The following DMXL2 variants were observed in gnomAD, a reference collection of about 807,000 sequenced individuals.
DMXL2 encodes the protein dmX-like protein 2.
DMXL2 carries 103 observed loss-of-function variants against 331.1 expected under a neutral mutation model. The ratio of observed to expected loss-of-function variants is 0.31; its 90% CI spans 0.27 to 0.37. DMXL2 has a LOEUF of 0.37. Among genes scored for constraint, DMXL2 ranks in the 10% least tolerant of loss-of-function variants. The probability of loss-of-function intolerance (pLI) is 1.00; values close to 1 mark genes in which losing one functional copy is unlikely to be tolerated. For missense variants in DMXL2, 3,171 were observed against 3,642.9 expected, an observed-to-expected ratio of 0.87 and a Z score of 3.33; for synonymous variants, 1,281 against 1,252.1, an observed-to-expected ratio of 1.02 and a Z score of -0.49.
chr15:51,537,805 T>C, intron 10 of DMXL2, 46 bp from the exon 11 acceptor site: 1 of 1,550,930 alleles, frequency 6.4e-7, no homozygotes, highest in Non-Finnish European at 8.7e-7. Context: ...AAATAATTCA[T>C]TTACATACTA....
intron 26 of DMXL2, among the ~76,000 whole-genome samples, chr15:51,477,875 C>T (rs920888504): frequency 6.6e-6 from 1 of 151,918 alleles, no homozygotes; most frequent in Non-Finnish European, 1.5e-5. Context: ...TAGGAATGTA[C>T]TTTTTCATTT....
chr15:51,481,203 T>G lies in DMXL2; in HGVS notation c.5903A>C (p.Lys1968Thr), dbSNP rs764460440. 2.5e-6 allele frequency: 4 copies of G among 1,613,830 alleles called. No individual in the cohort carries two copies. The highest frequency in any genetic ancestry group is 3.4e-6 in the Non-Finnish European group (4 of 1,179,908). The part of the protein sequence containing the change: ...SQYDWSQPIV[K>T]VDEEPLNLDW... ...AAGATTAAGAGGTTCCTCATCAACT[T>G]TTACTATTGGCTGACTCCAGTCATA... is the stretch of plus-strand genomic sequence containing the variant. The change falls in exon 24 of 44, where the codon AAA becomes ACA. Residue 1968 changes from lysine (K) to threonine (T), a missense_variant. Around this residue, in one of 7 missense-constraint regions of DMXL2, gnomAD observed 244 missense variants for 251.4 expected, o/e 0.97. Coordinates refer to ENST00000560891, the MANE Select transcript of DMXL2 (RefSeq NM_001378457.1).
At chr15:51,567,601 CAAAG>C (rs1419355921) in intron 3 of DMXL2, 2 of 151,958 alleles carry the variant, frequency 1.3e-5, no homozygotes, top group Non-Finnish European at 2.9e-5. Flanking sequence ...ACATTCCTGA[CAAAG>C]AAAACAAACA....
At chr15:51,523,663 A>ACAGAGGCAGACTG (rs56259821) in intron 13 of DMXL2, among the ~76,000 whole-genome samples, 75,359 of 151,952 alleles carry the variant, frequency 0.5, 18,888 homozygotes, top group Non-Finnish European at 0.52. Flanking sequence ...CCATGAGAAG[A>ACAGAGGCAGACTG]CAGTGATGCA....
intron 1 of DMXL2, among the ~76,000 whole-genome samples, chr15:51,600,978 A>G (rs1317685456): frequency 2.0e-5 from 3 of 152,142 alleles, no homozygotes; most frequent in Non-Finnish European, 4.4e-5. Context: ...CACTCTCAAG[A>G]AAGATCAAAT....
intron 6 of DMXL2, among the ~76,000 whole-genome samples, chr15:51,548,025 A>G (rs1271419481): frequency 6.6e-6 from 1 of 152,130 alleles, no homozygotes; most frequent in African/African-American, 2.4e-5. Flanking sequence ...AAGTGATGAT[A>G]AAGAATGCAT....
At chr15:51,548,498 C>G (rs1017974084) in intron 6 of DMXL2, among the ~76,000 whole-genome samples, 1 of 152,110 alleles carries the variant, frequency 6.6e-6, no homozygotes, top group Admixed American at 6.6e-5. Flanking sequence ...CTCCAAGTAT[C>G]TTCTTCAGCA....
chr15:51,512,105 A>T (rs1387494957), intron 15 of DMXL2, among the ~76,000 whole-genome samples: 1 of 152,096 alleles, frequency 6.6e-6, no homozygotes, highest in African/African-American at 2.4e-5. Context: ...ATGGGTTGAT[A>T]GGTGCAGCAA....
chr15:51,604,247 T>A, intron 1 of DMXL2, among the ~76,000 whole-genome samples: 1 of 143,606 alleles, frequency 7.0e-6, no homozygotes, highest in African/African-American at 2.6e-5. Flanking sequence ...TAAAAAAGAA[T>A]CTTCTCAGCC....
At chr15:51,525,862 T>TGA (rs151139193) in intron 13 of DMXL2, among the ~76,000 whole-genome samples, 2,934 of 152,076 alleles carry the variant, frequency 0.019, 94 homozygotes, top group African/African-American at 0.066. Context: ...GCCCAGTGTA[T>TGA]GAGGGAACTT....
At chr15:51,561,624 G>A (rs2049980201) in intron 6 of DMXL2, among the ~76,000 whole-genome samples, 1 of 152,074 alleles carries the variant, frequency 6.6e-6, no homozygotes, top group African/African-American at 2.4e-5. Flanking sequence ...ACAGTACGGA[G>A]TTTTCTCAAA....
chr15:51,541,085 A>G (rs1193639648), intron 9 of DMXL2, among the ~76,000 whole-genome samples: 1 of 152,212 alleles, frequency 6.6e-6, no homozygotes, highest in African/African-American at 2.4e-5. Context: ...AAGGTTAAAA[A>G]TTCATAAAAA....
At position 51,491,611 on chromosome 15, in the gene DMXL2, C is replaced by T. The variant is rs765467065; in HGVS notation, c.4920G>A (p.Arg1640=). The change falls in exon 20 of 44, where the codon AGG becomes AGA. Residue 1640 remains arginine, a synonymous_variant. Transcript: ENST00000560891. ...TGCATCTTCGAAGCGTGTTAATGTT[C>T]CTCACCCACCATCCTATGCCCATAG... ...LRAMGIGWWV[R]NINTLRRCIE... The T allele has an allele frequency of 7.5e-6, 12 of 1,610,006 alleles. No homozygotes were observed. Among genetic ancestry groups the T allele is most frequent in the Non-Finnish European group, 9.3e-6 (11 of 1,178,936 alleles).
At chr15:51,497,880 T>A (rs1365005159) in intron 18 of DMXL2, among the ~76,000 whole-genome samples, 1 of 152,136 alleles carries the variant, frequency 6.6e-6, no homozygotes, top group African/African-American at 2.4e-5. Flanking sequence ...CATAGTAACA[T>A]TAACAAATGG....
At chr15:51,475,568 T>C (rs1256651232) in intron 27 of DMXL2, among the ~76,000 whole-genome samples, 2 of 151,530 alleles carry the variant, frequency 1.3e-5, no homozygotes, top group East Asian at 3.9e-4. Flanking sequence ...GAGGGACACT[T>C]AAAAAAACAA....
rs575157685 is a variant in DMXL2 at position 51,591,452 on chromosome 15, G to C, written c.88-15271C>G. 8.5e-5 allele frequency among the ~76,000 whole-genome samples: 13 copies of C among 152,288 alleles called. 1 individual carries two copies. In the South Asian group the frequency reaches 2.7e-3, roughly 32 times the overall value. ...CGGTGGGAAGCTCCAACTGGGTGGA[G>C]CCCACCTCAGTTCAAGGAGGCCTGC... On this transcript the variant is annotated intron_variant, in intron 1 of 43. Coordinates refer to ENST00000560891, the MANE Select transcript of DMXL2 (RefSeq NM_001378457.1).
At chr15:51,594,341 T>C (rs1451531782) in intron 1 of DMXL2, among the ~76,000 whole-genome samples, 1 of 152,146 alleles carries the variant, frequency 6.6e-6, no homozygotes, top group Non-Finnish European at 1.5e-5. Context: ...CCTCGACACA[T>C]ACACCCTCCA....
chr15:51,587,167 AAAT>A (rs2051901077), intron 1 of DMXL2, among the ~76,000 whole-genome samples: 1 of 152,192 alleles, frequency 6.6e-6, no homozygotes, highest in African/African-American at 2.4e-5. Flanking sequence ...AAAGAAATAA[AAAT>A]AACTTTTTTT....
Position 51,448,935 on chromosome 15 carries a change from T to A in DMXL2, c.*49A>T, listed in dbSNP as rs2038893673. ...GAAAGCAGAATTGCCTAGTGATGAC[T>A]GTAGTGTGCCTTTTAACTGAAATGT... On this transcript the variant is annotated 3_prime_UTR_variant, in exon 44 of 44. Coordinates refer to ENST00000560891, the MANE Select transcript of DMXL2 (RefSeq NM_001378457.1). 6.4e-7 allele frequency: 1 copy of A among 1,558,534 alleles called. No individual in the cohort carries two copies. The highest frequency in any genetic ancestry group is 8.8e-7 in the Non-Finnish European group (1 of 1,138,386).
Sources: allele counts gnomAD v4.1 joint callset (sites outside exome capture counted in the v4.1 genomes callset), GRCh38; gene constraint gnomAD v4.1.1; regional missense constraint gnomAD v4.1.1; transcripts MANE v1.5; gene names NCBI Gene and HGNC (gene_info 2026-07-23, HGNC 2026-07-21).